The following EIF2AK4 variants were observed in gnomAD, a reference collection of about 807,000 sequenced individuals.
The protein encoded by EIF2AK4 is eukaryotic translation initiation factor 2 alpha kinase 4.
A neutral mutation model predicts 211.1 loss-of-function variants in EIF2AK4; 139 were observed. The observed-to-expected ratio is 0.66, with a 90% CI of 0.57 to 0.76. The LOEUF (loss-of-function observed/expected upper bound fraction) is 0.76. Among genes scored for constraint, EIF2AK4 ranks in the 30% least tolerant of loss-of-function variants. The pLI is 0.00. For synonymous variants in EIF2AK4, 710 were observed against 751.3 expected (o/e 0.94, Z 0.90); for missense variants, 1,664 against 2,043.8 (o/e 0.81, Z 3.58).
chr15:40,010,056 A>G (rs2140939060), intron 26 of EIF2AK4, among the ~76,000 whole-genome samples: 1 of 152,326 alleles, frequency 6.6e-6, no homozygotes, highest in South Asian at 2.1e-4. Context: ...CTACTTATTA[A>G]GGCAAATCAC....
intron 19 of EIF2AK4, 52 bp downstream of exon 19, chr15:39,997,117 A>G (rs780140975): frequency 1.3e-5 from 16 of 1,272,744 alleles, no homozygotes; most frequent in Non-Finnish European, 1.8e-5. Flanking sequence ...GAATCTTAGC[A>G]CAGAGATCAG....
At chr15:40,026,575 A>G (rs2035468659) in intron 33 of EIF2AK4, among the ~76,000 whole-genome samples, 1 of 152,248 alleles carries the variant, frequency 6.6e-6, no homozygotes, top group African/African-American at 2.4e-5. Flanking sequence ...TAATTGTATG[A>G]CCATCTTGTA....
chr15:39,940,750 T>C (rs143434221), intron 2 of EIF2AK4, among the ~76,000 whole-genome samples: 180 of 152,220 alleles, frequency 1.2e-3, no homozygotes, highest in East Asian at 2.7e-3. Context: ...TGTCCAGTAG[T>C]TCAGTTCAAT....
intron 25 of EIF2AK4, among the ~76,000 whole-genome samples, chr15:40,008,595 C>T (rs888400225): frequency 6.6e-6 from 1 of 152,094 alleles, no homozygotes; most frequent in Admixed American, 6.6e-5. Context: ...GCCAGCACTT[C>T]TCAGGCTTCC....
intron 13 of EIF2AK4, among the ~76,000 whole-genome samples, chr15:39,985,365 A>G (rs180827365): frequency 6.6e-6 from 1 of 152,326 alleles, no homozygotes; most frequent in Non-Finnish European, 1.5e-5. Context: ...TGCTGGACTC[A>G]TAAAAAAGGG....
intron 1 of EIF2AK4, among the ~76,000 whole-genome samples, chr15:39,937,226 C>T (rs1420035053): frequency 6.6e-6 from 1 of 152,152 alleles, no homozygotes; most frequent in East Asian, 1.9e-4. Context: ...TCCCTGGATC[C>T]CCCAGTAGTG....
chr15:40,016,721 T>C, intron 28 of EIF2AK4, 49 bp downstream of exon 28: 1 of 1,585,274 alleles, frequency 6.3e-7, no homozygotes, highest in Non-Finnish European at 8.6e-7. Flanking sequence ...GCATTACTAA[T>C]AGCACAGGGA....
rs1182615094 is a variant in EIF2AK4 at position 39,998,766 on chromosome 15, T to C, written c.2904T>C (p.Asp968=). 1.9e-6 allele frequency: 3 copies of C among 1,612,868 alleles called. No individual in the cohort carries two copies. Among genetic ancestry groups the C allele is most frequent in the African/African-American group, 1.3e-5 (1 of 74,902 alleles). Residue 968 remains aspartate (D), a synonymous_variant, in exon 20 of 39, where the codon GAT becomes GAC. Coordinates refer to ENST00000263791, the MANE Select transcript of EIF2AK4 (RefSeq NM_001013703.4). ...TSPKFPEDFD[D]GEHAKQKSVI... Reference sequence around the variant, plus strand: ...CTAAGTTTCCAGAAGACTTTGACGATGGAGAGCATGCAAAGCAGGTAATTT... The same window carrying C: ...CTAAGTTTCCAGAAGACTTTGACGACGGAGAGCATGCAAAGCAGGTAATTT...
At chr15:39,984,133 G>A (rs1041730936) in intron 13 of EIF2AK4, among the ~76,000 whole-genome samples, 1 of 152,134 alleles carries the variant, frequency 6.6e-6, no homozygotes, top group Non-Finnish European at 1.5e-5. Context: ...GCTTGTTTTT[G>A]TCAGGTTTGT....
rs71426358 is a variant in EIF2AK4, at chr15:39,944,432, C to CTCTTTT, written c.360+948_360+949insCTTTTT. Among the ~76,000 whole-genome samples the CTCTTTT allele has an allele frequency of 2.6e-4, 32 of 121,196 alleles. 1 individual carries two copies. The highest frequency in any genetic ancestry group is 8.4e-4 in the African/African-American group (25 of 29,840). 79.5% of individuals were successfully genotyped at this position (121,196 alleles called of 152,430 possible). ...CCTGGCAGCTTATGTTTAACGATCT[C>CTCTTTT]TTTTTTTTTTTTTTTTTGAGGCGGA... is the stretch of plus-strand genomic sequence containing the variant. On this transcript the variant is annotated intron_variant, in intron 3 of 38. Transcript: ENST00000263791.
rs139536340 is a variant in EIF2AK4, at chr15:39,968,891, T to TATATAC, written c.1553+1013_1553+1014insTATACA. Among the ~76,000 whole-genome samples the TATATAC allele has an allele frequency of 9.8e-3, 1,457 of 149,154 alleles. 7 individuals are homozygous for TATATAC. The highest frequency in any genetic ancestry group is 0.021 in the South Asian group (97 of 4,700). On this transcript the variant is annotated intron_variant, in intron 9 of 38. Coordinates refer to ENST00000263791, the MANE Select transcript of EIF2AK4 (RefSeq NM_001013703.4). Reference sequence around the variant, plus strand: ...TGAATATGATATATATATATATATATACACACACATACATACAGTTGTGGA... The same window carrying TATATAC: ...TGAATATGATATATATATATATATATATATACACACACACATACATACAGTTGTGGA...
At chr15:39,997,898 CTTCT>C (rs1254296686) in intron 19 of EIF2AK4, among the ~76,000 whole-genome samples, 3 of 152,126 alleles carry the variant, frequency 2.0e-5, no homozygotes, top group Non-Finnish European at 4.4e-5. Flanking sequence ...GGAGAGCCAC[CTTCT>C]TTCTTACTGA....
In EIF2AK4 at chr15:40,018,744, AATT is replaced by A. The variant is rs2035342994; in HGVS notation, c.4066-344_4066-342del. Among the ~76,000 whole-genome samples, 2 of 152,202 alleles carry A rather than the reference AATT, an allele frequency of 1.3e-5. 1 individual carries two copies. Among genetic ancestry groups the A allele is most frequent in the South Asian group, 4.1e-4 (2 of 4,834 alleles). Reference sequence around the variant, plus strand: ...TTCAACATGTACTCAAACTTCTAAAAATTATTAACAAGGATTTTACATTTTTTT... The same window carrying A: ...TTCAACATGTACTCAAACTTCTAAAAATTAACAAGGATTTTACATTTTTTT... On this transcript the variant is annotated intron_variant, in intron 29 of 38. Coordinates refer to ENST00000263791, the MANE Select transcript of EIF2AK4 (RefSeq NM_001013703.4).
chr15:39,944,434 T>C (rs939828305), intron 3 of EIF2AK4, among the ~76,000 whole-genome samples: 9 of 143,976 alleles, frequency 6.3e-5, no homozygotes, highest in Non-Finnish European at 1.2e-4. Flanking sequence ...AACGATCTCT[T>C]TTTTTTTTTT....
At chr15:40,003,671 G>A (rs1053193462) in intron 23 of EIF2AK4, among the ~76,000 whole-genome samples, 1 of 152,194 alleles carries the variant, frequency 6.6e-6, no homozygotes, top group African/African-American at 2.4e-5. Flanking sequence ...TAGATCTTCA[G>A]TAAACATCCT....
At chr15:39,958,323 G>A (rs1475891129) in intron 6 of EIF2AK4, among the ~76,000 whole-genome samples, 4 of 152,188 alleles carry the variant, frequency 2.6e-5, no homozygotes, top group Admixed American at 6.5e-5. Flanking sequence ...TTACCGTAGT[G>A]TAGCCCAGAA....
intron 6 of EIF2AK4, among the ~76,000 whole-genome samples, chr15:39,960,425 G>T (rs576862704): frequency 6.6e-6 from 1 of 152,214 alleles, no homozygotes; most frequent in East Asian, 1.9e-4. Flanking sequence ...AGCCCAAGGA[G>T]ACTCACAGGT....
chr15:39,958,108 A>G (rs970006909), intron 6 of EIF2AK4, among the ~76,000 whole-genome samples: 2 of 152,224 alleles, frequency 1.3e-5, no homozygotes, highest in Non-Finnish European at 2.9e-5. Flanking sequence ...AGCTATTTTA[A>G]TGTGTACAGT....
intron 9 of EIF2AK4, 45 bp from the exon 10 acceptor site, chr15:39,972,863 A>G (rs1007616009): frequency 6.7e-7 from 1 of 1,496,670 alleles, no homozygotes; most frequent in African/African-American, 1.4e-5. Flanking sequence ...CTAGTTTAGC[A>G]CTGATTGTTT....
Sources: gnomAD v4.1 joint callset for allele counts (sites outside exome capture counted in the v4.1 genomes callset) on GRCh38, gnomAD v4.1.1 for gene constraint, MANE v1.5 for transcripts, NCBI Gene and HGNC (gene_info 2026-07-23, HGNC 2026-07-21) for gene names.